Variants in C12orf57 observed in about 807,000 individuals in gnomAD.
The protein encoded by C12orf57 is chromosome 12 open reading frame 57.
Under a neutral mutation model 11.3 loss-of-function variants are expected in C12orf57, and 14 were observed. The observed-to-expected ratio is 1.24, with a 90% confidence interval of 0.82 to 1.94. The LOEUF is 1.94. C12orf57 is among the 30% of genes most tolerant of loss of function. The pLI is 0.00. For synonymous variants in C12orf57, 100 were observed against 74.6 expected, an observed-to-expected ratio of 1.34 and a Z score of -1.76; for missense variants, 229 against 172.4, an observed-to-expected ratio of 1.33 and a Z score of -1.84.
At chr12:6,944,343 G>T (rs1555145919) in intron 1 of C12orf57, 133 bp from the exon 2 acceptor site, 4 of 1,557,796 alleles carry the variant, frequency 2.6e-6, no homozygotes, top group Middle Eastern at 2.3e-4. Context: ...TGGGGCGCTT[G>T]CCCCCAAGAC....
At chr12:6,944,409 G>T (rs1945738182) in intron 1 of C12orf57, 67 bp from the exon 2 acceptor site, 1 of 1,572,778 alleles carries the variant, frequency 6.4e-7, no homozygotes, top group Non-Finnish European at 8.6e-7. Flanking sequence ...TGCGCTCTCC[G>T]CTGGGCCCGC....
rs1396636392 is a variant in C12orf57, at chr12:6,944,038, G to T, written c.-84G>T. 1.2e-6 allele frequency: 2 copies of T among 1,610,654 alleles called. No individual in the cohort carries two copies. Among genetic ancestry groups the T allele is most frequent in the Non-Finnish European group, 1.7e-6 (2 of 1,179,594 alleles). On this transcript the variant is annotated 5_prime_UTR_variant, in exon 1 of 3. Transcript: ENST00000229281. ...ATGCTGTTTCCTTTCCGCTCCCAGG[G>T]GCGTTGGGAACGGTTGTAGGACGTG...
In C12orf57 at chr12:6,944,239, C is replaced by T. The variant is rs898802403; in HGVS notation, c.52+66C>T. 4.3e-6 allele frequency: 7 copies of T among 1,612,722 alleles called. No homozygotes were observed. In the South Asian group the frequency reaches 4.4e-5, roughly 10 times the overall value. On this transcript the variant is annotated intron_variant, in intron 1 of 2. Coordinates refer to ENST00000229281, the MANE Select transcript of C12orf57 (RefSeq NM_138425.4). Reference sequence around the variant, plus strand: ...GGTAGTCAAGGCATGGGCTGCTGGTCTGGGGAGGATGCGGGCGGAGGATGT... The same window carrying T: ...GGTAGTCAAGGCATGGGCTGCTGGTTTGGGGAGGATGCGGGCGGAGGATGT...
chr12:6,945,903 G>A lies in C12orf57; in HGVS notation c.362G>A (p.Gly121Asp). Residue 121 changes from glycine (G) to aspartate (D), a missense_variant, in exon 3 of 3, where the codon GGC (glycine) becomes GAC (aspartate). Gly to Asp is a moderately conservative substitution (Grantham distance 94). Coordinates refer to ENST00000229281, the MANE Select transcript of C12orf57 (RefSeq NM_138425.4). Reference sequence around the variant, plus strand: ...CCACCCCATGGGCCTGCTGCTGGTGGCAGCGTGGCCGCCTCCTGAGAGTTG... The same window carrying A: ...CCACCCCATGGGCCTGCTGCTGGTGACAGCGTGGCCGCCTCCTGAGAGTTG... ...TLPPHGPAAG[G>D]SVAAS 1.2e-6 allele frequency: 2 copies of A among 1,612,536 alleles called. No homozygotes were observed. The highest frequency in any genetic ancestry group is 1.7e-6 in the Non-Finnish European group (2 of 1,179,770).
upstream of C12orf57, chr12:6,943,987 C>T (rs1018000550): frequency 8.4e-5 from 133 of 1,585,928 alleles, no homozygotes; most frequent in Admixed American, 1.0e-3. Flanking sequence ...GTTTGGGCCA[C>T]GCCTGGGCGC....
upstream of C12orf57, chr12:6,943,991 T>TG: frequency 1.3e-6 from 2 of 1,588,422 alleles, no homozygotes; most frequent in Non-Finnish European, 1.7e-6. Context: ...GGGCCACGCC[T>TG]GGGCGCTTCC....
chr12:6,944,674 G>C, intron 2 of C12orf57, 22 bp downstream of exon 2: 2 of 1,590,096 alleles, frequency 1.3e-6, no homozygotes, highest in Non-Finnish European at 1.7e-6. Context: ...GCGGGAAGGC[G>C]GGTCAGACGC....
upstream of C12orf57, chr12:6,943,986 A>G (rs1044189): frequency 2.2e-4 from 348 of 1,579,530 alleles, no homozygotes; most frequent in Admixed American, 4.1e-4. Flanking sequence ...GGTTTGGGCC[A>G]CGCCTGGGCG....
rs1945791952 is a variant in C12orf57, at chr12:6,945,830, A to G, written c.289A>G (p.Ser97Gly). ...CGAAGCCCAGGATCCTGAGATCGCC[A>G]GCCTGTCAGGCAAGCTGAAGGCGCT... is the stretch of plus-strand genomic sequence containing the variant. ...SYEAQDPEIA[S>G]LSGKLKALFL... Residue 97 changes from serine (S) to glycine (G), a missense_variant, in exon 3 of 3, where the codon AGC (serine) becomes GGC (glycine). Ser to Gly is a moderately conservative substitution (Grantham distance 56). Coordinates refer to ENST00000229281, the MANE Select transcript of C12orf57 (RefSeq NM_138425.4). 6.2e-7 allele frequency: 1 copy of G among 1,613,922 alleles called. No individual in the cohort carries two copies.
At chr12:6,943,716 GT>G, upstream of C12orf57, 2 of 1,273,820 alleles carry the variant, frequency 1.6e-6, no homozygotes, top group Non-Finnish European at 1.0e-6. Context: ...ATGCGTCGTT[GT>G]TTATACAGTA....
rs376048939 is a variant in C12orf57, at chr12:6,945,954, G to A, written c.*32G>A. On this transcript the variant is annotated 3_prime_UTR_variant, in exon 3 of 3. Transcript: ENST00000229281. Reference sequence around the variant, plus strand: ...GCCCTCCCTTGTGCCACTGCCAGGGGAGGAAAGGCCTTGATGTTCCAGACA... The same window carrying A: ...GCCCTCCCTTGTGCCACTGCCAGGGAAGGAAAGGCCTTGATGTTCCAGACA... 6.3e-6 allele frequency: 10 copies of A among 1,598,230 alleles called. No homozygotes were observed. The highest frequency in any genetic ancestry group is 8.5e-6 in the Non-Finnish European group (10 of 1,175,624).
chr12:6,944,261 A>C, intron 1 of C12orf57, 88 bp downstream of exon 1: 1 of 1,608,594 alleles, frequency 6.2e-7, no homozygotes, highest in East Asian at 2.2e-5. Context: ...CGGGCGGAGG[A>C]TGTGGGGCGA....
chr12:6,945,717 T>C, intron 2 of C12orf57, 54 bp from the exon 3 acceptor site: 1 of 1,586,320 alleles, frequency 6.3e-7, no homozygotes, highest in Non-Finnish European at 8.6e-7. Context: ...CCTCCAGGTG[T>C]CTTAGGCACG....
chr12:6,944,064 G>A lies in C12orf57; in HGVS notation c.-58G>A, dbSNP rs189699184. ...GCGTTGGGAACGGTTGTAGGACGTG[G>A]CTCTTTATTCGTGAGTTTTCCATTT... On this transcript the variant is annotated 5_prime_UTR_variant, in exon 1 of 3. Coordinates refer to ENST00000229281, the MANE Select transcript of C12orf57 (RefSeq NM_138425.4). The A allele has an allele frequency of 1.1e-5, 17 of 1,613,424 alleles. No individual in the cohort carries two copies. Among genetic ancestry groups the A allele is most frequent in the Middle Eastern group, 3.3e-4 (2 of 6,062 alleles).
upstream of C12orf57, chr12:6,943,547 C>A (rs1555145311): frequency 7.8e-7 from 1 of 1,288,752 alleles, no homozygotes; most frequent in South Asian, 1.2e-5. Context: ...TCCAGGTCTC[C>A]GGGCTTAACA....
chr12:6,943,931 G>C (rs782461569), upstream of C12orf57: 3 of 1,340,670 alleles, frequency 2.2e-6, no homozygotes, highest in Non-Finnish European at 3.0e-6. Context: ...AAAAATTATG[G>C]GTAGTTTTGG....
In C12orf57 at chr12:6,944,022, C is replaced by G. The variant is rs781931486; in HGVS notation, c.-100C>G. ...CTTCCGGCTGCGCCGGATGCTGTTT[C>G]CTTTCCGCTCCCAGGGGCGTTGGGA... On this transcript the variant is annotated 5_prime_UTR_variant, in exon 1 of 3. Coordinates refer to ENST00000229281, the MANE Select transcript of C12orf57 (RefSeq NM_138425.4). 1.2e-5 allele frequency: 19 copies of G among 1,602,550 alleles called. No homozygotes were observed. In the Admixed American group the frequency reaches 2.0e-4, roughly 17 times the overall value.
upstream of C12orf57, chr12:6,943,868 G>C (rs76417910): frequency 4.2e-5 from 40 of 941,774 alleles, no homozygotes; most frequent in Non-Finnish European, 4.9e-5. Context: ...GCTTTTTACC[G>C]GAAAGCCCCT....
intron 2 of C12orf57, 30 bp from the exon 3 acceptor site, chr12:6,945,741 G>T (rs782777793): frequency 6.2e-7 from 1 of 1,611,052 alleles, no homozygotes; most frequent in East Asian, 2.2e-5. Context: ...GTCCTTAGGA[G>T]AAGGGTTGAC....
Sources: allele counts gnomAD v4.1 joint callset, GRCh38; gene constraint gnomAD v4.1.1; transcripts MANE v1.5; gene names NCBI Gene and HGNC (gene_info 2026-07-23, HGNC 2026-07-21).